The following MDGA2 variants were observed in gnomAD, a reference collection of about 807,000 sequenced individuals.
The protein encoded by MDGA2 is MAM domain containing glycosylphosphatidylinositol anchor 2.
In MDGA2, 40 loss-of-function variants were observed where a neutral mutation model predicts 117.8. That is an observed-to-expected ratio of 0.34 (90% CI 0.26 to 0.44). The LOEUF (loss-of-function observed/expected upper bound fraction) is 0.44, where lower values mean the gene tolerates loss of function less well. Among genes scored for constraint, MDGA2 ranks in the 20% least tolerant of loss-of-function variants. The probability of loss-of-function intolerance (pLI) is 1.00; values close to 1 mark genes in which losing one functional copy is unlikely to be tolerated. For synonymous variants in MDGA2, 452 were observed against 439.0 expected, an observed-to-expected ratio of 1.03 and a Z score of -0.37; for missense variants, 1,123 against 1,250.6, an observed-to-expected ratio of 0.90 and a Z score of 1.54.
intron 6 of MDGA2, among the ~76,000 whole-genome samples, chr14:47,094,888 G>A (rs1331721689): frequency 1.3e-5 from 2 of 151,906 alleles, no homozygotes; most frequent in African/African-American, 4.8e-5. Context: ...ACAGAATCTG[G>A]TTGCTCACTG....
chr14:47,141,531 C>T (rs1310156897), intron 4 of MDGA2, among the ~76,000 whole-genome samples: 2 of 152,156 alleles, frequency 1.3e-5, no homozygotes, highest in Non-Finnish European at 2.9e-5. Flanking sequence ...TCCAGATCCA[C>T]CCACATTGCT....
At chr14:47,664,955 T>C (rs760423152) in intron 1 of MDGA2, among the ~76,000 whole-genome samples, 2 of 152,236 alleles carry the variant, frequency 1.3e-5, no homozygotes, top group Non-Finnish European at 2.9e-5. Context: ...TTGATGGACA[T>C]ATATATCTGA....
intron 1 of MDGA2, among the ~76,000 whole-genome samples, chr14:47,390,071 C>A (rs1405192815): frequency 2.0e-5 from 3 of 152,068 alleles, no homozygotes; most frequent in Non-Finnish European, 4.4e-5. Flanking sequence ...CTCCTGTAAT[C>A]CGTAGAACTT....
intron 1 of MDGA2, among the ~76,000 whole-genome samples, chr14:47,634,814 T>C (rs1594954688): frequency 1.3e-5 from 2 of 152,224 alleles, no homozygotes; most frequent in East Asian, 3.9e-4. Flanking sequence ...AAAAGGCTTA[T>C]TGCTCTTAGA....
chr14:46,862,629 A>G (rs1034173127), intron 14 of MDGA2, among the ~76,000 whole-genome samples: 6 of 151,850 alleles, frequency 4.0e-5, no homozygotes, highest in African/African-American at 1.4e-4. Context: ...TTAATTTGCA[A>G]TTTGGTATAT....
chr14:47,329,366 G>T (rs1158986013), intron 1 of MDGA2, among the ~76,000 whole-genome samples: 3 of 151,968 alleles, frequency 2.0e-5, no homozygotes, highest in Non-Finnish European at 4.4e-5. Context: ...GGGAAGTGAA[G>T]AAAATAAAAG....
At chr14:47,223,208 A>G (rs1886362544) in intron 2 of MDGA2, among the ~76,000 whole-genome samples, 1 of 152,156 alleles carries the variant, frequency 6.6e-6, no homozygotes, top group Admixed American at 6.5e-5. Context: ...AACATGTGGG[A>G]ATTCCGGTAG....
At chr14:47,629,654 A>C (rs1043163209) in intron 1 of MDGA2, among the ~76,000 whole-genome samples, 15 of 152,242 alleles carry the variant, frequency 9.9e-5, no homozygotes, top group African/African-American at 3.6e-4. Flanking sequence ...ATTATTTTGC[A>C]GCCGACTAGC....
At chr14:47,341,985 C>T (rs1310891704) in intron 1 of MDGA2, among the ~76,000 whole-genome samples, 1 of 151,864 alleles carries the variant, frequency 6.6e-6, no homozygotes, top group Non-Finnish European at 1.5e-5. Flanking sequence ...GATTACAGGC[C>T]AGCACCACCA....
chr14:46,919,974 G>T (rs772776116), intron 10 of MDGA2, 38 bp downstream of exon 10: 3 of 1,531,524 alleles, frequency 2.0e-6, no homozygotes, highest in Admixed American at 4.5e-5. Context: ...CTTCACAGAG[G>T]ACCACAAAGA....
At chr14:47,507,531 C>T (rs983818800) in intron 1 of MDGA2, among the ~76,000 whole-genome samples, 1 of 152,102 alleles carries the variant, frequency 6.6e-6, no homozygotes, top group African/African-American at 2.4e-5. Context: ...TTGATCCTAA[C>T]TAAAAAAGAG....
At chr14:46,966,200 A>G (rs1335300152) in intron 8 of MDGA2, among the ~76,000 whole-genome samples, 2 of 152,192 alleles carry the variant, frequency 1.3e-5, no homozygotes, top group Non-Finnish European at 2.9e-5. Flanking sequence ...TATAGAAGAA[A>G]AAGAAAAGAC....
chr14:47,502,735 C>T (rs2103830), intron 1 of MDGA2, among the ~76,000 whole-genome samples: 63,752 of 151,800 alleles, frequency 0.42, 14,036 homozygotes, highest in East Asian at 0.61. Flanking sequence ...AGTGCAGTGG[C>T]GTGATCATAG....
At chr14:47,145,215 G>A (rs910731993) in intron 3 of MDGA2, among the ~76,000 whole-genome samples, 1 of 152,122 alleles carries the variant, frequency 6.6e-6, no homozygotes, top group Non-Finnish European at 1.5e-5. Flanking sequence ...AGACTGTACA[G>A]TAGAGGCTCA....
chr14:47,438,790 C>T (rs993166983), intron 1 of MDGA2, among the ~76,000 whole-genome samples: 3 of 152,074 alleles, frequency 2.0e-5, no homozygotes, highest in Non-Finnish European at 4.4e-5. Flanking sequence ...TGGCAATGTG[C>T]TCCAAGCTCT....
At chr14:47,083,016 A>G (rs1390476729) in intron 6 of MDGA2, among the ~76,000 whole-genome samples, 2 of 152,086 alleles carry the variant, frequency 1.3e-5, no homozygotes, top group Non-Finnish European at 2.9e-5. Context: ...ACAATAAGCA[A>G]TTTGTAGACT....
chr14:47,299,062 A>C (rs1889187016), intron 2 of MDGA2, among the ~76,000 whole-genome samples: 1 of 152,208 alleles, frequency 6.6e-6, no homozygotes, highest in Admixed American at 6.5e-5. Flanking sequence ...TCTAGGAATA[A>C]AAAAATATTG....
Position 46,932,476 on chromosome 14 carries a change from TA to T in MDGA2, c.2090-12317del, listed in dbSNP as rs538240073. The stretch of plus-strand genomic sequence containing the variant: ...ATAATGAGTTAAAATGATCTAAATT[TA>T]AAAATCATTTTTCTTCAATATTTTA... On this transcript the variant is annotated intron_variant, in intron 9 of 16. Coordinates refer to ENST00000399232, the MANE Select transcript of MDGA2 (RefSeq NM_001113498.3). 1.2e-3 allele frequency among the ~76,000 whole-genome samples: 179 copies of T among 152,266 alleles called. 1 individual carries two copies. The highest frequency in any genetic ancestry group is 4.1e-3 in the African/African-American group (172 of 41,592).
At chr14:47,439,857 G>A (rs1892970270) in intron 1 of MDGA2, among the ~76,000 whole-genome samples, 2 of 151,776 alleles carry the variant, frequency 1.3e-5, no homozygotes. Context: ...GTATGCATAT[G>A]AGGGCTAGAA....
Sources: allele counts gnomAD v4.1 joint callset (sites outside exome capture counted in the v4.1 genomes callset), GRCh38; gene constraint gnomAD v4.1.1; transcripts MANE v1.5; gene names NCBI Gene and HGNC (gene_info 2026-07-23, HGNC 2026-07-21).